Variants in RAI14 observed in about 807,000 individuals in gnomAD.
The protein encoded by RAI14 is ankycorbin.
A neutral mutation model predicts 115.4 loss-of-function variants in RAI14; 45 were observed. The observed-to-expected ratio is 0.39, with a 90% CI of 0.31 to 0.50. RAI14 has a LOEUF of 0.50. RAI14 is among the 20% of genes least tolerant of loss of function. The pLI, the probability that RAI14 is intolerant of heterozygous loss-of-function variation, is 0.85. For synonymous variants in RAI14, 371 were observed against 415.4 expected (o/e 0.89, Z 1.30); for missense variants, 939 against 1,131.2 (o/e 0.83, Z 2.44).
At chr5:34,693,552 G>A (rs529272523) in intron 2 of RAI14, among the ~76,000 whole-genome samples, 1 of 152,316 alleles carries the variant, frequency 6.6e-6, no homozygotes, top group East Asian at 1.9e-4. Context: ...GTCATTTAAT[G>A]CTTACAAAAC....
At chr5:34,797,955 TA>T (rs2150214573) in intron 4 of RAI14, among the ~76,000 whole-genome samples, 1 of 152,344 alleles carries the variant, frequency 6.6e-6, no homozygotes, top group East Asian at 1.9e-4. Flanking sequence ...GACAGGACTG[TA>T]GTTATTTTCA....
intron 16 of RAI14, among the ~76,000 whole-genome samples, chr5:34,829,168 C>T (rs1442178172): frequency 6.4e-5 from 8 of 125,410 alleles, no homozygotes; most frequent in Non-Finnish European, 1.0e-4. Context: ...CACATACACA[C>T]ACACACACAT....
At chr5:34,718,597 C>G (rs971944064) in intron 2 of RAI14, among the ~76,000 whole-genome samples, 1 of 152,352 alleles carries the variant, frequency 6.6e-6, no homozygotes, top group African/African-American at 2.4e-5. Context: ...TGCCCTCCCC[C>G]GTTCTCAGTT....
At chr5:34,753,362 G>T (rs1292954701) in intron 2 of RAI14, among the ~76,000 whole-genome samples, 3 of 152,054 alleles carry the variant, frequency 2.0e-5, no homozygotes, top group Non-Finnish European at 4.4e-5. Context: ...GATTTTTTTT[G>T]ATGCTTGGGG....
At chr5:34,660,805 G>C (rs1027100388) in intron 1 of RAI14, among the ~76,000 whole-genome samples, 2 of 146,490 alleles carry the variant, frequency 1.4e-5, no homozygotes, top group African/African-American at 5.1e-5. Flanking sequence ...CTAAGTTCAT[G>C]TCAGACACAT....
chr5:34,808,496 A>G lies in RAI14; in HGVS notation c.380-88A>G, dbSNP rs546225000. On this transcript the variant is annotated intron_variant, in intron 6 of 17. Coordinates refer to ENST00000265109, the MANE Select transcript of RAI14 (RefSeq NM_015577.3). ...TGAATATATGTAGAGTGGGTAGAACATGAACATTTCCTTCCTGAAGTATCT... is the reference window on the plus strand; with the variant it reads ...TGAATATATGTAGAGTGGGTAGAACGTGAACATTTCCTTCCTGAAGTATCT... 33 of 1,206,600 alleles carry G rather than the reference A, an allele frequency of 2.7e-5. No homozygotes were observed. The African/African-American group carries it at 4.1e-4, about 15-fold the overall frequency. The allele number at this position is 1,206,600 out of a possible 1,614,324, so 74.7% of individuals were successfully genotyped here.
intron 2 of RAI14, among the ~76,000 whole-genome samples, chr5:34,754,537 C>T (rs892685392): frequency 4.6e-5 from 6 of 131,648 alleles, no homozygotes; most frequent in African/African-American, 1.5e-4. Flanking sequence ...CTCTTACCTT[C>T]CCTCCTCTTT....
Position 34,795,812 on chromosome 5 carries a change from G to A in RAI14, c.168-127G>A, listed in dbSNP as rs1242681621. ...AGATTGATAATAATGCCTAGTCAGT[G>A]GGTGCTTGTAGAGCTCAAGGAAGAG... On this transcript the variant is annotated intron_variant, in intron 3 of 17. Coordinates refer to ENST00000265109, the MANE Select transcript of RAI14 (RefSeq NM_015577.3). 8.1e-6 allele frequency: 5 copies of A among 614,206 alleles called. No individual in the cohort carries two copies. In the Admixed American group the frequency reaches 1.3e-4, roughly 16 times the overall value. 38.0% of individuals were successfully genotyped at this position (614,206 alleles called of 1,614,324 possible). A position where few individuals can be genotyped will look rare whatever the true frequency, so the allele number is the denominator to read the frequency against.
Position 34,814,642 on chromosome 5 carries a change from G to C in RAI14, c.912G>C (p.Ser304=). ...ITSTPLSGKE[S]VFFAEPPFKA... ...CGACTCCACTATCGGGAAAGGAATC[G>C]GTATTTTTTGCTGAACCACCCTTCA... The change falls in exon 12 of 18, where the codon TCG becomes TCC. Residue 304 remains serine, a synonymous_variant. Coordinates refer to ENST00000265109, the MANE Select transcript of RAI14 (RefSeq NM_015577.3). 1.2e-6 allele frequency: 2 copies of C among 1,613,102 alleles called. No individual in the cohort carries two copies. The highest frequency in any genetic ancestry group is 2.2e-5 in the East Asian group (1 of 44,788).
At chr5:34,830,664 G>A (rs1452937402) in intron 17 of RAI14, 24 bp from the exon 18 acceptor site, 3 of 1,613,790 alleles carry the variant, frequency 1.9e-6, no homozygotes, top group African/African-American at 1.3e-5. Context: ...GTTCTAATGA[G>A]TATCTTGTGT....
chr5:34,823,580 A>G lies in RAI14; in HGVS notation c.1738A>G (p.Lys580Glu). 1.2e-6 allele frequency: 2 copies of G among 1,614,230 alleles called. No individual in the cohort carries two copies. Among genetic ancestry groups the G allele is most frequent in the Non-Finnish European group, 1.7e-6 (2 of 1,180,042 alleles). The change falls in exon 15 of 18, where the codon AAA becomes GAA. Residue 580 changes from lysine (K) to glutamate (E), a missense_variant. Coordinates refer to ENST00000265109, the MANE Select transcript of RAI14 (RefSeq NM_015577.3). This position sits in a 1 kb window ranked among gnomAD's most constrained non-coding sequence, Gnocchi z 4.5. ...KPPVEEYEEM[K>E]SSYCSVIENM... ...ACCTGTGGAAGAGTACGAGGAAATGAAAAGTTCATATTGCTCTGTTATTGA... is the reference window on the plus strand; with the variant it reads ...ACCTGTGGAAGAGTACGAGGAAATGGAAAGTTCATATTGCTCTGTTATTGA...
intron 3 of RAI14, among the ~76,000 whole-genome samples, chr5:34,781,631 G>T (rs1751658396): frequency 6.6e-6 from 1 of 152,216 alleles, no homozygotes; most frequent in Non-Finnish European, 1.5e-5. Context: ...GAGCTCTCAT[G>T]AATTGCTGAT....
chr5:34,680,469 A>T (rs1744307799), intron 1 of RAI14, among the ~76,000 whole-genome samples: 3 of 152,234 alleles, frequency 2.0e-5, no homozygotes, highest in Non-Finnish European at 4.4e-5. Flanking sequence ...GAATCCATTC[A>T]GAAGGGTAGA....
intron 3 of RAI14, among the ~76,000 whole-genome samples, chr5:34,781,139 G>A (rs781469664): frequency 5.4e-5 from 8 of 147,690 alleles, no homozygotes; most frequent in East Asian, 2.0e-4. Context: ...ACCAAGCACC[G>A]CATGTTCTCA....
intron 3 of RAI14, among the ~76,000 whole-genome samples, chr5:34,782,853 A>G (rs116030040): frequency 3.3e-5 from 5 of 152,200 alleles, no homozygotes; most frequent in African/African-American, 1.2e-4. Flanking sequence ...CCATAGGGGA[A>G]TAATCAATGA....
chr5:34,803,574 A>G lies in RAI14; in HGVS notation c.257-138A>G, dbSNP rs1401502814. 2.3e-5 allele frequency: 17 copies of G among 737,468 alleles called. No homozygotes were observed. The East Asian group carries it at 3.4e-4, about 15-fold the overall frequency. 45.7% of individuals were successfully genotyped at this position (737,468 alleles called of 1,614,324 possible). On this transcript the variant is annotated intron_variant, in intron 4 of 17. Coordinates refer to ENST00000265109, the MANE Select transcript of RAI14 (RefSeq NM_015577.3). ...CCTGTCTCAAAAAACAAAAAAACAA[A>G]CAAACAAAAAAACACAGTTCCGTCT...
chr5:34,698,169 TCCTCCCTTCCCCTCCTCCCTTCCCC>T, intron 2 of RAI14, among the ~76,000 whole-genome samples: 1 of 14,992 alleles, frequency 6.7e-5, no homozygotes, highest in Non-Finnish European at 1.3e-4. Flanking sequence ...CTCCCTCCCC[TCCTCCCTTCCCCTCCTCCCTTCCCC>T]TCCCTCTCTC....
intron 7 of RAI14, among the ~76,000 whole-genome samples, 161 bp from the exon 8 acceptor site, chr5:34,810,851 T>C (rs942117801): frequency 7.9e-5 from 12 of 151,906 alleles, no homozygotes; most frequent in Non-Finnish European, 2.9e-5. Context: ...CAACATACAA[T>C]CGTGACTCTA....
At chr5:34,719,454 T>C (rs1580010386) in intron 2 of RAI14, among the ~76,000 whole-genome samples, 1 of 152,336 alleles carries the variant, frequency 6.6e-6, no homozygotes, top group South Asian at 2.1e-4. Flanking sequence ...TTATGCCTCT[T>C]GATGCAAGGT....
Sources: allele counts gnomAD v4.1 joint callset (sites outside exome capture counted in the v4.1 genomes callset), GRCh38; gene constraint gnomAD v4.1.1; non-coding constraint Gnocchi (gnomAD v3.1); transcripts MANE v1.5; gene names NCBI Gene and HGNC (gene_info 2026-07-23, HGNC 2026-07-21).